The following RPH3A variants were observed in gnomAD, a reference collection of about 807,000 sequenced individuals.
RPH3A encodes the protein rabphilin 3A.
RPH3A carries 48 observed loss-of-function variants against 102.2 expected under a neutral mutation model. That is an observed-to-expected ratio of 0.47 (90% CI 0.37 to 0.60). The LOEUF (loss-of-function observed/expected upper bound fraction) is 0.60. Ranked by LOEUF, RPH3A falls within the 20% of genes least tolerant of loss-of-function variation. The probability of loss-of-function intolerance (pLI) is 0.00; values close to 1 mark genes in which losing one functional copy is unlikely to be tolerated. For synonymous variants in RPH3A, 310 were observed against 324.3 expected, an observed-to-expected ratio of 0.96 and a Z score of 0.47; for missense variants, 781 against 910.1, an observed-to-expected ratio of 0.86 and a Z score of 1.83.
chr12:112,603,881 C>G (rs899117664), intron 1 of RPH3A, among the ~76,000 whole-genome samples: 1 of 152,098 alleles, frequency 6.6e-6, no homozygotes, highest in Admixed American at 6.6e-5. Flanking sequence ...ACCCAGCCCC[C>G]CAGCATACTG....
rs75566674 is a variant in RPH3A at position 112,795,878 on chromosome 12, G to A, written c.-19+3615G>A. Among the ~76,000 whole-genome samples, 22 of 152,236 alleles carry A rather than the reference G, an allele frequency of 1.4e-4. No homozygotes were observed. The East Asian group carries it at 1.5e-3, about 11-fold the overall frequency. On this transcript the variant is annotated intron_variant, in intron 2 of 21. Transcript: ENST00000389385. ...AGGAGTAAATATCCAACAAATGTTC[G>A]CAATCGGGGCGATGTTGGTGATGGT... is the stretch of plus-strand genomic sequence containing the variant.
At chr12:112,865,803 T>G (rs1448148282) in intron 6 of RPH3A, among the ~76,000 whole-genome samples, 2 of 152,178 alleles carry the variant, frequency 1.3e-5, no homozygotes, top group African/African-American at 4.8e-5. Flanking sequence ...CTAGGGAGCC[T>G]GTGGCAGAAC....
intron 5 of RPH3A, among the ~76,000 whole-genome samples, chr12:112,848,073 T>C (rs1193663598): frequency 6.6e-6 from 1 of 151,840 alleles, no homozygotes; most frequent in Non-Finnish European, 1.5e-5. Flanking sequence ...AGAGGAGAGA[T>C]TGGGCTGCGA....
chr12:112,725,849 G>T (rs2136045191), intron 1 of RPH3A, among the ~76,000 whole-genome samples: 1 of 151,550 alleles, frequency 6.6e-6, no homozygotes, highest in East Asian at 1.9e-4. Context: ...AGGCTGGAGT[G>T]CGGTGATGCG....
chr12:112,749,486 T>C (rs941365236), intron 1 of RPH3A, among the ~76,000 whole-genome samples: 1 of 152,190 alleles, frequency 6.6e-6, no homozygotes. Context: ...CAGAATTACA[T>C]CCCATTTTAA....
intron 1 of RPH3A, among the ~76,000 whole-genome samples, chr12:112,628,348 A>C (rs1243112297): frequency 2.0e-5 from 3 of 151,830 alleles, no homozygotes; most frequent in African/African-American, 7.3e-5. Context: ...TGGTGGAGCA[A>C]GTAAGGAGAG....
chr12:112,661,401 C>T (rs1487780176), intron 1 of RPH3A, among the ~76,000 whole-genome samples: 1 of 152,176 alleles, frequency 6.6e-6, no homozygotes, highest in Non-Finnish European at 1.5e-5. Flanking sequence ...AGGGGGATAA[C>T]TACAGCCCCT....
intron 2 of RPH3A, among the ~76,000 whole-genome samples, chr12:112,795,801 T>A (rs1235141271): frequency 6.6e-6 from 1 of 152,200 alleles, no homozygotes; most frequent in Non-Finnish European, 1.5e-5. Flanking sequence ...GGAATAAGAA[T>A]GCAGTTGTGA....
chr12:112,871,665 T>G (rs1179233046), intron 10 of RPH3A, among the ~76,000 whole-genome samples: 1 of 151,356 alleles, frequency 6.6e-6, no homozygotes, highest in Non-Finnish European at 1.5e-5. Flanking sequence ...GGGCATAAAT[T>G]AAGAATACAC....
At position 112,897,198 on chromosome 12, in the gene RPH3A, C is replaced by T. The variant is rs1593143523; in HGVS notation, c.*418C>T. ...CACCCTTTCATTCCCTGTGTTGTGTCTCTGTATATCCCCAGTTGTCAGCAG... is the reference window on the plus strand; with the variant it reads ...CACCCTTTCATTCCCTGTGTTGTGTTTCTGTATATCCCCAGTTGTCAGCAG... On this transcript the variant is annotated 3_prime_UTR_variant, in exon 22 of 22. Coordinates refer to ENST00000389385, the MANE Select transcript of RPH3A (RefSeq NM_001143854.2). 1 of 173,096 alleles carries T rather than the reference C, an allele frequency of 5.8e-6. No homozygotes were observed. Among genetic ancestry groups the T allele is most frequent in the African/African-American group, 2.4e-5 (1 of 42,522 alleles). The allele number at this position is 173,096 out of a possible 1,614,324, so 10.7% of individuals were successfully genotyped here.
chr12:112,896,602 C>T (rs368171900), intron 21 of RPH3A, 48 bp from the exon 22 acceptor site: 197 of 1,608,386 alleles, frequency 1.2e-4, no homozygotes, highest in Admixed American at 7.6e-4. Context: ...GGGTCTAGAA[C>T]GACCTCTATT....
Position 112,681,124 on chromosome 12 carries a change from C to T in RPH3A, c.-140+105805C>T, listed in dbSNP as rs574196488. Reference sequence around the variant, plus strand: ...ATCTTCCTTCACAAAACCCTTCCTGCTCTGGGGCTCTGCATCTTGGTAAAC... The same window carrying T: ...ATCTTCCTTCACAAAACCCTTCCTGTTCTGGGGCTCTGCATCTTGGTAAAC... On this transcript the variant is annotated intron_variant, in intron 1 of 21. Coordinates refer to the RPH3A transcript ENST00000543106. Among the ~76,000 whole-genome samples, 9 of 152,308 alleles carry T rather than the reference C, an allele frequency of 5.9e-5. No homozygotes were observed. In the South Asian group the frequency reaches 1.9e-3, roughly 32 times the overall value.
chr12:112,836,874 A>G (rs4767016), intron 4 of RPH3A, among the ~76,000 whole-genome samples: 65,440 of 152,034 alleles, frequency 0.43, 14,337 homozygotes, highest in East Asian at 0.57. Flanking sequence ...AACTGCTACC[A>G]TGAATAAAAG....
In RPH3A at chr12:112,617,214, G is replaced by A. The variant is rs916263411; in HGVS notation, c.-140+41895G>A. Among the ~76,000 whole-genome samples the A allele has an allele frequency of 2.0e-5, 3 of 152,292 alleles. 1 individual carries two copies. Among genetic ancestry groups the A allele is most frequent in the South Asian group, 4.2e-4 (2 of 4,816 alleles). On this transcript the variant is annotated intron_variant, in intron 1 of 21. Transcript: ENST00000543106. ...AGAAAGGGGTGTAAAGAATAACACC[G>A]GAGACTCTGGGGTCAGAGATGGCGA...
intron 1 of RPH3A, among the ~76,000 whole-genome samples, chr12:112,614,470 G>A (rs2039662218): frequency 6.6e-6 from 1 of 151,058 alleles, no homozygotes; most frequent in African/African-American, 2.4e-5. Flanking sequence ...GATCACTTGA[G>A]CCCAGAAGTT....
At chr12:112,727,499 C>CCA in intron 1 of RPH3A, among the ~76,000 whole-genome samples, 1 of 90,842 alleles carries the variant, frequency 1.1e-5, no homozygotes, top group South Asian at 5.0e-4. Context: ...ACAGACCCCC[C>CCA]CCCCCCACAC....
chr12:112,865,870 A>G (rs968254300), intron 6 of RPH3A, among the ~76,000 whole-genome samples: 1 of 152,234 alleles, frequency 6.6e-6, no homozygotes, highest in African/African-American at 2.4e-5. Flanking sequence ...GTTATGTGTC[A>G]GTTTAAAGAG....
At position 112,632,622 on chromosome 12, in the gene RPH3A, A is replaced by G. The variant is rs59556514; in HGVS notation, c.-140+57303A>G. 6.5e-3 allele frequency among the ~76,000 whole-genome samples: 982 copies of G among 152,244 alleles called. 17 individuals carry two copies. Among genetic ancestry groups the G allele is most frequent in the African/African-American group, 0.023 (956 of 41,546 alleles). ...AAAGGGTGGCTTTATCAACTTACATATTCTTCACTGGGTTACAGAGAAGAT... is the reference window on the plus strand; with the variant it reads ...AAAGGGTGGCTTTATCAACTTACATGTTCTTCACTGGGTTACAGAGAAGAT... On this transcript the variant is annotated intron_variant, in intron 1 of 21. Coordinates refer to the RPH3A transcript ENST00000543106.
chr12:112,890,807 C>T, intron 18 of RPH3A, 42 bp from the exon 19 acceptor site: 3 of 1,599,822 alleles, frequency 1.9e-6, no homozygotes, highest in Non-Finnish European at 2.6e-6. Flanking sequence ...TTTCCTGGCC[C>T]CCTCCCCTCC....
Sources: allele counts gnomAD v4.1 joint callset (sites outside exome capture counted in the v4.1 genomes callset), GRCh38; gene constraint gnomAD v4.1.1; transcripts MANE v1.5; gene names NCBI Gene and HGNC (gene_info 2026-07-23, HGNC 2026-07-21).